Variants in CHN1 observed in about 807,000 individuals in gnomAD.
CHN1 encodes chimerin 1.
A neutral mutation model predicts 59.5 loss-of-function variants in CHN1; 37 were observed. That is an observed-to-expected ratio of 0.62 (90% CI 0.48 to 0.82). The LOEUF (loss-of-function observed/expected upper bound fraction) is 0.82, where lower values mean the gene tolerates loss of function less well. CHN1 is among the 40% of genes least tolerant of loss of function. The pLI is 0.00. For missense variants in CHN1, 469 were observed against 571.0 expected, an observed-to-expected ratio of 0.82 and a Z score of 1.82; for synonymous variants, 206 against 200.4, an observed-to-expected ratio of 1.03 and a Z score of -0.24.
chr2:174,928,881 A>G (rs907994721), intron 3 of CHN1, among the ~76,000 whole-genome samples: 49 of 152,236 alleles, frequency 3.2e-4, no homozygotes, highest in African/African-American at 1.2e-3. Flanking sequence ...CAACAAATCA[A>G]TAAAGTTTAA....
rs181890583 is a variant in CHN1, at chr2:174,911,183, T to C, written c.260+3875A>G. On this transcript the variant is annotated intron_variant, in intron 5 of 12. Transcript: ENST00000409900. Reference sequence around the variant, plus strand: ...AAACTCAACCTAGTATTTTTTTCTTTTAGTGAGAAAAACTAGAGTGTCTTA... The same window carrying C: ...AAACTCAACCTAGTATTTTTTTCTTCTAGTGAGAAAAACTAGAGTGTCTTA... 6.8e-4 allele frequency among the ~76,000 whole-genome samples: 104 copies of C among 152,314 alleles called. 1 individual carries two copies. The highest frequency in any genetic ancestry group is 2.2e-3 in the African/African-American group (91 of 41,570).
chr2:174,885,797 T>C (rs774235518), intron 5 of CHN1, among the ~76,000 whole-genome samples: 1 of 152,158 alleles, frequency 6.6e-6, no homozygotes, highest in African/African-American at 2.4e-5. Context: ...GAGCCAATTA[T>C]AGTAACTTGT....
At chr2:174,873,918 T>A (rs1687483337) in intron 6 of CHN1, among the ~76,000 whole-genome samples, 2 of 152,122 alleles carry the variant, frequency 1.3e-5, no homozygotes, top group African/African-American at 2.4e-5. Context: ...AATAAAAAAA[T>A]TCATTTTGTA....
chr2:174,907,302 A>G lies in CHN1; in HGVS notation c.260+7756T>C, dbSNP rs548199748. On this transcript the variant is annotated intron_variant, in intron 5 of 12. Transcript: ENST00000409900. ...TCTGGGAACTACTGCTGGAAAAAAA[A>G]TTCAATTGATTATGTTTAATGGCAG... Among the ~76,000 whole-genome samples the G allele has an allele frequency of 3.9e-4, 59 of 152,262 alleles. No individual in the cohort carries two copies. The South Asian group carries it at 0.011, about 30-fold the overall frequency.
intron 3 of CHN1, chr2:174,921,088 G>A: frequency 5.3e-6 from 2 of 376,690 alleles, no homozygotes; most frequent in South Asian, 1.9e-5. Context: ...GCAATGGGGA[G>A]CGGCTGTAGT....
intron 3 of CHN1, among the ~76,000 whole-genome samples, chr2:174,937,877 A>G (rs932759707): frequency 6.6e-6 from 1 of 152,172 alleles, no homozygotes; most frequent in African/African-American, 2.4e-5. Context: ...AAGCCTCAGT[A>G]GAAGCAAATG....
chr2:174,930,208 CAGG>C (rs753936925), intron 3 of CHN1, among the ~76,000 whole-genome samples: 2 of 152,032 alleles, frequency 1.3e-5, no homozygotes, highest in Non-Finnish European at 2.9e-5. Context: ...GAGCCCTGAC[CAGG>C]AGGAGAGTCA....
chr2:174,978,214 T>A (rs1203343113), intron 1 of CHN1, among the ~76,000 whole-genome samples: 2 of 152,224 alleles, frequency 1.3e-5, no homozygotes, highest in Non-Finnish European at 2.9e-5. Context: ...CATGTCTCCT[T>A]AGTTAGCGTT....
chr2:174,936,137 A>C (rs1425533020), intron 3 of CHN1, among the ~76,000 whole-genome samples: 1 of 152,174 alleles, frequency 6.6e-6, no homozygotes, highest in African/African-American at 2.4e-5. Context: ...TTTAGCCTAG[A>C]GAAAGACAAC....
intron 5 of CHN1, among the ~76,000 whole-genome samples, chr2:174,909,880 T>C: frequency 6.6e-6 from 1 of 152,134 alleles, no homozygotes; most frequent in East Asian, 1.9e-4. Context: ...TTTTAAAGGG[T>C]CCCTTTTGCG....
chr2:174,880,877 T>C (rs959596907), intron 5 of CHN1, among the ~76,000 whole-genome samples: 5 of 152,058 alleles, frequency 3.3e-5, no homozygotes, highest in African/African-American at 1.2e-4. Context: ...GAGAAACCTG[T>C]CTCTACTAAA....
At chr2:174,941,881 T>C (rs1558991032) in intron 3 of CHN1, among the ~76,000 whole-genome samples, 1 of 152,178 alleles carries the variant, frequency 6.6e-6, no homozygotes, top group African/African-American at 2.4e-5. Flanking sequence ...GAATAATATG[T>C]TTAAAAGTTA....
At chr2:174,802,108 G>A in intron 11 of CHN1, 2 of 303,014 alleles carry the variant, frequency 6.6e-6, no homozygotes, top group South Asian at 3.4e-5. Context: ...ATGGAATACA[G>A]GATGTAACTA....
At chr2:174,888,681 C>G (rs1687961366) in intron 5 of CHN1, among the ~76,000 whole-genome samples, 1 of 152,192 alleles carries the variant, frequency 6.6e-6, no homozygotes, top group South Asian at 2.1e-4. Context: ...TCCACAATAA[C>G]CTCTTCCCCA....
At chr2:174,985,336 T>C (rs1198276840) in intron 1 of CHN1, among the ~76,000 whole-genome samples, 1 of 152,184 alleles carries the variant, frequency 6.6e-6, no homozygotes, top group Non-Finnish European at 1.5e-5. Flanking sequence ...AATTGTCAAA[T>C]ATACAAGAGT....
intron 7 of CHN1, among the ~76,000 whole-genome samples, chr2:174,840,379 T>C (rs1463368): frequency 1 from 151,967 of 152,092 alleles, 75,921 homozygotes; most frequent in Middle Eastern, 1. Context: ...TTGCCCAGGC[T>C]GGTCTTAAAC....
At chr2:174,915,876 C>T (rs996057656) in intron 4 of CHN1, among the ~76,000 whole-genome samples, 12 of 152,102 alleles carry the variant, frequency 7.9e-5, no homozygotes, top group Admixed American at 2.6e-4. Flanking sequence ...AAAAAGCCAC[C>T]TTACACATTT....
At chr2:174,857,709 A>T (rs2105448948) in intron 6 of CHN1, among the ~76,000 whole-genome samples, 1 of 152,220 alleles carries the variant, frequency 6.6e-6, no homozygotes, top group Admixed American at 6.5e-5. Flanking sequence ...ATCTGAGGGG[A>T]TACTTGGGGA....
intron 1 of CHN1, among the ~76,000 whole-genome samples, chr2:174,962,513 C>G (rs1475178448): frequency 6.6e-6 from 1 of 152,120 alleles, no homozygotes; most frequent in East Asian, 1.9e-4. Context: ...CCAGACCCAG[C>G]TTATGAACCT....
Sources: gnomAD v4.1 joint callset for allele counts (sites outside exome capture counted in the v4.1 genomes callset) on GRCh38, gnomAD v4.1.1 for gene constraint, MANE v1.5 for transcripts, NCBI Gene and HGNC (gene_info 2026-07-23, HGNC 2026-07-21) for gene names.